Variants in ANKFY1 observed in about 807,000 individuals in gnomAD.
The protein encoded by ANKFY1 is ankyrin repeat and FYVE domain-containing protein 1.
Under a neutral mutation model 128.3 loss-of-function variants are expected in ANKFY1, and 47 were observed. The ratio of observed to expected loss-of-function variants is 0.37; its 90% CI spans 0.29 to 0.47. The LOEUF is 0.47. ANKFY1 is among the 20% of genes least tolerant of loss of function. ANKFY1 has a pLI of 1.00. For missense variants in ANKFY1, 1,222 were observed against 1,510.6 expected, an observed-to-expected ratio of 0.81 and a Z score of 3.17; for synonymous variants, 553 against 601.6, an observed-to-expected ratio of 0.92 and a Z score of 1.18.
chr17:4,205,387 T>C (rs2060004030), intron 7 of ANKFY1, among the ~76,000 whole-genome samples: 1 of 151,994 alleles, frequency 6.6e-6, no homozygotes, highest in African/African-American at 2.4e-5. Context: ...AGTAAGACTA[T>C]GGAAAAAAAC....
chr17:4,235,377 T>A (rs1319048347), intron 3 of ANKFY1, among the ~76,000 whole-genome samples: 2 of 150,722 alleles, frequency 1.3e-5, no homozygotes, highest in Admixed American at 6.6e-5. Context: ...TCCTTTGGCA[T>A]CTAGCATGAA....
intron 4 of ANKFY1, among the ~76,000 whole-genome samples, chr17:4,215,148 G>C (rs1053247323): frequency 1.3e-5 from 2 of 151,946 alleles, no homozygotes; most frequent in African/African-American, 2.4e-5. Context: ...AATTAGCTGG[G>C]CGTGGTGGCA....
Position 4,169,365 on chromosome 17 carries a change from G to A in ANKFY1, c.3287-77C>T. ...AAGCCCCAGGGCTTGGAGGCAGCAG[G>A]AACACAGACCCGTAAGTGAGGCAGC... On this transcript the variant is annotated intron_variant, in intron 23 of 24. Coordinates refer to ENST00000341657, the MANE Select transcript of ANKFY1 (RefSeq NM_001330063.2). The surrounding 1 kb of genome is among the most constrained non-coding windows in gnomAD (Gnocchi z 5.0). 4.4e-6 allele frequency: 5 copies of A among 1,126,228 alleles called. No individual in the cohort carries two copies. Among genetic ancestry groups the A allele is most frequent in the East Asian group, 5.2e-5 (2 of 38,514 alleles). 69.8% of individuals were successfully genotyped at this position (1,126,228 alleles called of 1,614,324 possible).
Position 4,179,868 on chromosome 17 carries a change from G to A in ANKFY1, c.2250C>T (p.Asp750=), listed in dbSNP as rs200679959. The change falls in exon 17 of 25, where the codon GAC becomes GAT. Residue 750 remains aspartate, a synonymous_variant. Transcript: ENST00000341657. ...TACFLIRSGC[D]VNSPRQPGAN... ...CGCCTGGTTGTCTGGGACTGTTCAC[G>A]TCACAGCCACTGAAAGGAATGGGGA... is the stretch of plus-strand genomic sequence containing the variant. The A allele has an allele frequency of 1.7e-4, 273 of 1,614,124 alleles. 1 individual carries two copies. Among genetic ancestry groups the A allele is most frequent in the Non-Finnish European group, 4.4e-5 (52 of 1,180,030 alleles).
At chr17:4,219,717 A>AAAAAAG (rs967607903) in intron 3 of ANKFY1, among the ~76,000 whole-genome samples, 1 of 152,206 alleles carries the variant, frequency 6.6e-6, no homozygotes, top group Admixed American at 6.5e-5. Context: ...AAAAGTAAAA[A>AAAAAAG]AAAAAGAAAA....
chr17:4,207,813 G>A, intron 6 of ANKFY1, 120 bp downstream of exon 6: 1 of 1,045,482 alleles, frequency 9.6e-7, no homozygotes. Flanking sequence ...CTATTTAGTA[G>A]AAATCCGTAC....
chr17:4,175,563 G>A (rs544013613), intron 19 of ANKFY1, among the ~76,000 whole-genome samples: 5 of 152,258 alleles, frequency 3.3e-5, no homozygotes, highest in East Asian at 1.9e-4. Flanking sequence ...TGGTTCCTCC[G>A]TGTGTACAGG....
rs1269225893 is a variant in ANKFY1, at chr17:4,167,208, T to C, written c.*571A>G. 2 of 152,648 alleles carry C rather than the reference T, an allele frequency of 1.3e-5. No homozygotes were observed. The highest frequency in any genetic ancestry group is 6.5e-5 in the Admixed American group (1 of 15,284). The allele number at this position is 152,648 out of a possible 1,614,324, so 9.5% of individuals were successfully genotyped here. ...ATCTTTGAACCCTGTTAAGAAAGAT[T>C]TCACCTTTTTAAAAGGGGTAGCTCA... On this transcript the variant is annotated 3_prime_UTR_variant, in exon 25 of 25. Transcript: ENST00000341657. This position sits in a 1 kb window ranked among gnomAD's most constrained non-coding sequence, Gnocchi z 4.1.
At chr17:4,197,617 G>A (rs777226496) in intron 7 of ANKFY1, 40 bp from the exon 8 acceptor site, 1 of 1,584,748 alleles carries the variant, frequency 6.3e-7, no homozygotes, top group Admixed American at 1.8e-5. Context: ...TCAGGGCAAA[G>A]TATTCTGGCC....
At chr17:4,197,634 T>C in intron 7 of ANKFY1, 57 bp from the exon 8 acceptor site, 2 of 1,518,348 alleles carry the variant, frequency 1.3e-6, no homozygotes, top group South Asian at 2.3e-5. Flanking sequence ...GGCCAGTGCT[T>C]CTTCAAGAGG....
intron 3 of ANKFY1, among the ~76,000 whole-genome samples, chr17:4,232,169 C>G (rs1161855326): frequency 6.6e-6 from 1 of 152,104 alleles, no homozygotes; most frequent in South Asian, 2.1e-4. Context: ...TTTTATCAAG[C>G]CTGTTGGTGT....
At chr17:4,251,890 T>C (rs1387310529) in intron 1 of ANKFY1, among the ~76,000 whole-genome samples, 7 of 151,864 alleles carry the variant, frequency 4.6e-5, no homozygotes, top group Admixed American at 4.6e-4. Context: ...AAAAATTAGC[T>C]GGGTGCAGTG....
intron 11 of ANKFY1, chr17:4,187,158 C>G: frequency 1.8e-6 from 1 of 557,556 alleles, no homozygotes; most frequent in Non-Finnish European, 2.7e-6. Context: ...CCCTCCCAAG[C>G]TTCCCCTCCA....
At chr17:4,195,605 C>T in intron 8 of ANKFY1, 134 bp from the exon 9 acceptor site, 1 of 725,396 alleles carries the variant, frequency 1.4e-6, no homozygotes, top group Non-Finnish European at 2.4e-6. Flanking sequence ...CTTCTAAAAC[C>T]ATGACCCAGT....
At chr17:4,197,046 G>C (rs2059838105) in intron 8 of ANKFY1, among the ~76,000 whole-genome samples, 1 of 152,170 alleles carries the variant, frequency 6.6e-6, no homozygotes, top group African/African-American at 2.4e-5. Context: ...CTGTGCTCAG[G>C]AGGTAGAGGC....
chr17:4,237,874 A>C (rs1242188141), intron 2 of ANKFY1, among the ~76,000 whole-genome samples: 3 of 152,200 alleles, frequency 2.0e-5, no homozygotes, highest in African/African-American at 4.8e-5. Context: ...TGGAAACCAG[A>C]ATGTTGTAAC....
intron 14 of ANKFY1, 106 bp from the exon 15 acceptor site, chr17:4,182,455 T>C (rs2059533198): frequency 1.2e-6 from 1 of 822,744 alleles, no homozygotes; most frequent in Non-Finnish European, 1.8e-6. Context: ...TCTAATCATA[T>C]TCACTCACAA....
intron 10 of ANKFY1, chr17:4,194,383 A>AC (rs5818936): frequency 0.25 from 37,024 of 150,590 alleles, 5,058 homozygotes; most frequent in Non-Finnish European, 0.31. Context: ...TGCTGGGATT[A>AC]CAGGTGTGAG....
chr17:4,223,155 CAAT>C (rs1289315428), intron 3 of ANKFY1: 5 of 786,160 alleles, frequency 6.4e-6, no homozygotes, highest in East Asian at 2.5e-5. Flanking sequence ...ATTCAGGTGA[CAAT>C]GATGCTCACT....
Sources: allele counts gnomAD v4.1 joint callset (sites outside exome capture counted in the v4.1 genomes callset), GRCh38; gene constraint gnomAD v4.1.1; non-coding constraint Gnocchi (gnomAD v3.1); transcripts MANE v1.5; gene names NCBI Gene and HGNC (gene_info 2026-07-23, HGNC 2026-07-21).